TSC22D1: variants seen among roughly 807,000 people sequenced by gnomAD.
The protein encoded by TSC22D1 is TSC22 domain family member 1.
TSC22D1 carries 9 observed loss-of-function variants against 74.2 expected under a neutral mutation model. That is an observed-to-expected ratio of 0.12 (90% CI 0.07 to 0.21). The LOEUF is 0.21. TSC22D1 is among the 10% of genes least tolerant of loss of function. TSC22D1 has a pLI of 1.00. For missense variants in TSC22D1, 1,427 were observed against 1,304.7 expected, an observed-to-expected ratio of 1.09 and a Z score of -1.44; for synonymous variants, 586 against 492.5, an observed-to-expected ratio of 1.19 and a Z score of -2.51.
At chr13:44,480,084 A>T (rs551754270) in intron 1 of TSC22D1, among the ~76,000 whole-genome samples, 1 of 149,292 alleles carries the variant, frequency 6.7e-6, no homozygotes, top group South Asian at 2.1e-4. Flanking sequence ...TAATAACAAG[A>T]CTGATAAGTT....
intron 1 of TSC22D1, among the ~76,000 whole-genome samples, chr13:44,529,704 T>C (rs1056551516): frequency 1.3e-5 from 2 of 152,098 alleles, no homozygotes; most frequent in African/African-American, 4.8e-5. Flanking sequence ...AAGGAAAAGA[T>C]TCCTGCAACT....
chr13:44,573,440 C>A lies in TSC22D1; in HGVS notation c.2635G>T (p.Ala879Ser), dbSNP rs1459573216. 2 of 1,614,096 alleles carry A rather than the reference C, an allele frequency of 1.2e-6. No individual in the cohort carries two copies. Among genetic ancestry groups the A allele is most frequent in the African/African-American group, 2.7e-5 (2 of 74,920 alleles). ...GCCAAAGGCAAATTTGTATTAGTTG[C>A]TATCAAGGGAGGTTGACTAACACTT... ...VQSVSQPPLI[A>S]TNTNLPLAQQ... The change falls in exon 1 of 3, where the codon GCA becomes TCA. Residue 879 changes from alanine to serine, a missense_variant. Coordinates refer to ENST00000458659, the MANE Select transcript of TSC22D1 (RefSeq NM_183422.4).
At chr13:44,454,477 C>CT (rs1213200085) in intron 1 of TSC22D1, among the ~76,000 whole-genome samples, 4 of 152,162 alleles carry the variant, frequency 2.6e-5, no homozygotes, top group Non-Finnish European at 5.9e-5. Context: ...CACTGAAACT[C>CT]TTATGCTCCT....
chr13:44,509,656 A>C (rs1879598813), intron 1 of TSC22D1, among the ~76,000 whole-genome samples: 1 of 152,088 alleles, frequency 6.6e-6, no homozygotes, highest in African/African-American at 2.4e-5. Flanking sequence ...TATACACTTA[A>C]AAATGGTTAA....
intron 1 of TSC22D1, among the ~76,000 whole-genome samples, chr13:44,488,724 G>T (rs1380817401): frequency 6.6e-6 from 1 of 152,108 alleles, no homozygotes; most frequent in African/African-American, 2.4e-5. Context: ...CTTAGAAAAT[G>T]TAATTTTCAA....
intron 1 of TSC22D1, among the ~76,000 whole-genome samples, chr13:44,509,841 GAA>G (rs1879607111): frequency 7.0e-6 from 1 of 143,770 alleles, no homozygotes; most frequent in African/African-American, 2.6e-5. Flanking sequence ...TTCACTAACA[GAA>G]AAAAGAGACA....
chr13:44,568,903 G>C (rs1054288562), intron 1 of TSC22D1, among the ~76,000 whole-genome samples: 1 of 152,058 alleles, frequency 6.6e-6, no homozygotes, highest in Non-Finnish European at 1.5e-5. Context: ...ACACTGTACA[G>C]GATAGGAAAA....
intron 1 of TSC22D1, among the ~76,000 whole-genome samples, chr13:44,517,811 A>ATGTG (rs1160142015): frequency 4.7e-4 from 26 of 55,114 alleles, no homozygotes; most frequent in East Asian, 1.7e-3. Context: ...ACACATATAT[A>ATGTG]TGTGTGTGTG....
chr13:44,528,702 C>A (rs555513393), intron 1 of TSC22D1, among the ~76,000 whole-genome samples: 6 of 151,858 alleles, frequency 4.0e-5, no homozygotes, highest in Non-Finnish European at 8.8e-5. Context: ...ACAGAAAAAT[C>A]AACAAAACCA....
chr13:44,441,326 G>A (rs534266174), intron 1 of TSC22D1, among the ~76,000 whole-genome samples: 9 of 152,324 alleles, frequency 5.9e-5, no homozygotes, highest in Admixed American at 3.3e-4. Flanking sequence ...GCTACTGATA[G>A]GTGTATGATA....
chr13:44,575,117 C>T lies in TSC22D1; in HGVS notation c.958G>A (p.Ala320Thr), dbSNP rs1884114790. The change falls in exon 1 of 3, where the codon GCT becomes ACT. Residue 320 changes from alanine (A) to threonine (T), a missense_variant. Ala to Thr is a moderately conservative substitution (Grantham distance 58, BLOSUM62 0). This residue lies in a region of TSC22D1 where 1,343 missense variants were observed against 1,191.5 expected (regional missense o/e 1.13). Coordinates refer to ENST00000458659, the MANE Select transcript of TSC22D1 (RefSeq NM_183422.4). ...ACATTAGGATTAAAACTACCCACAG[C>T]AGTAATGTTAACATTATTTACTGTA... Reference protein sequence around the residue: ...TSTVNNVNITAVGSFNPNVTS... With the variant: ...TSTVNNVNITTVGSFNPNVTS... 1 of 1,614,180 alleles carries T rather than the reference C, an allele frequency of 6.2e-7. No individual in the cohort carries two copies. The highest frequency in any genetic ancestry group is 8.5e-7 in the Non-Finnish European group (1 of 1,180,044).
intron 1 of TSC22D1, among the ~76,000 whole-genome samples, chr13:44,511,615 G>T (rs1186478398): frequency 4.6e-5 from 5 of 108,906 alleles, no homozygotes; most frequent in African/African-American, 1.6e-4. Context: ...TGAATAAAAA[G>T]AAATACACAC....
intron 1 of TSC22D1, among the ~76,000 whole-genome samples, chr13:44,491,553 CAAAAAAAA>C (rs1166772028): frequency 1.8e-5 from 1 of 56,076 alleles, no homozygotes; most frequent in Admixed American, 1.9e-4. Context: ...GACTCCGTCT[CAAAAAAAA>C]AAAAAAAAGA....
intron 1 of TSC22D1, among the ~76,000 whole-genome samples, chr13:44,529,885 T>C (rs751460789): frequency 2.0e-5 from 3 of 152,028 alleles, no homozygotes; most frequent in Non-Finnish European, 4.4e-5. Flanking sequence ...ATAAGGTCTA[T>C]ATAAGGAAAA....
At chr13:44,516,326 C>T (rs763478071) in intron 1 of TSC22D1, 1 of 476,894 alleles carries the variant, frequency 2.1e-6, no homozygotes, top group Non-Finnish European at 4.1e-6. Flanking sequence ...AGGTTACCTC[C>T]CTCTAATTCT....
chr13:44,436,173 T>G, intron 1 of TSC22D1, 78 bp from the exon 2 acceptor site: 2 of 1,456,750 alleles, frequency 1.4e-6, no homozygotes, highest in South Asian at 2.5e-5. Flanking sequence ...ATCTCCCAAT[T>G]TTGTGATATT....
At chr13:44,444,206 G>A (rs1285245979) in intron 1 of TSC22D1, among the ~76,000 whole-genome samples, 1 of 148,396 alleles carries the variant, frequency 6.7e-6, no homozygotes, top group Non-Finnish European at 1.5e-5. Flanking sequence ...TTGAACCTGG[G>A]AGGCAGAGGC....
At chr13:44,537,246 A>G (rs1266723129) in intron 1 of TSC22D1, 1 of 927,354 alleles carries the variant, frequency 1.1e-6, no homozygotes, top group Non-Finnish European at 1.3e-6. Context: ...GACATAAAAT[A>G]TAAAAAAACT....
chr13:44,522,064 T>A (rs1880342943), intron 1 of TSC22D1, among the ~76,000 whole-genome samples: 1 of 152,180 alleles, frequency 6.6e-6, no homozygotes, highest in Non-Finnish European at 1.5e-5. Flanking sequence ...AAAGAATTGA[T>A]GTAATGTTAG....
Sources: gnomAD v4.1 joint callset for allele counts (sites outside exome capture counted in the v4.1 genomes callset) on GRCh38, gnomAD v4.1.1 for gene constraint, gnomAD v4.1.1 regional missense constraint, MANE v1.5 for transcripts, NCBI Gene and HGNC (gene_info 2026-07-23, HGNC 2026-07-21) for gene names.